Variants in RIPOR2 observed in about 807,000 individuals in gnomAD.
RIPOR2 encodes the protein rho family-interacting cell polarization regulator 2.
A neutral mutation model predicts 114.5 loss-of-function variants in RIPOR2; 39 were observed. The ratio of observed to expected loss-of-function variants is 0.34; its 90% confidence interval spans 0.26 to 0.44. RIPOR2 has a LOEUF of 0.44. RIPOR2 is among the 20% of genes least tolerant of loss of function. RIPOR2 has a pLI of 1.00. For synonymous variants in RIPOR2, 445 were observed against 484.4 expected, an observed-to-expected ratio of 0.92 and a Z score of 1.07; for missense variants, 1,007 against 1,255.1, an observed-to-expected ratio of 0.80 and a Z score of 2.99.
intron 1 of RIPOR2, among the ~76,000 whole-genome samples, chr6:24,950,927 G>A (rs1229753681): frequency 6.6e-6 from 1 of 152,170 alleles, no homozygotes; most frequent in African/African-American, 2.4e-5. Context: ...CAGGATCTAG[G>A]TCTTGTGTGT....
chr6:24,835,863 G>A lies in RIPOR2; in HGVS notation c.2048C>T (p.Ser683Leu), dbSNP rs1334013343. Residue 683 changes from serine to leucine, a missense_variant, in exon 15 of 22, where the codon TCG becomes TTG. Transcript: ENST00000643898. Reference sequence around the variant, plus strand: ...ATGCCCCCTGGCTTCTGGGTGAACCGACCTGTAACTATTGAAGGTGGGCAA... The same window carrying A: ...ATGCCCCCTGGCTTCTGGGTGAACCAACCTGTAACTATTGAAGGTGGGCAA... ...DTETEKHSYR[S>L]VHPEARGHLS... is the part of the protein sequence containing the mutation. 7 of 1,551,270 alleles carry A rather than the reference G, an allele frequency of 4.5e-6. No homozygotes were observed. The highest frequency in any genetic ancestry group is 6.1e-6 in the Non-Finnish European group (7 of 1,146,928).
At chr6:24,920,794 C>T (rs1183928259) in intron 1 of RIPOR2, among the ~76,000 whole-genome samples, 1 of 152,160 alleles carries the variant, frequency 6.6e-6, no homozygotes, top group East Asian at 1.9e-4. Context: ...GTCTACTCCT[C>T]CAGCAGCAGT....
chr6:24,874,757 A>T (rs1765553743), intron 2 of RIPOR2, among the ~76,000 whole-genome samples: 3 of 152,372 alleles, frequency 2.0e-5, no homozygotes, highest in South Asian at 4.1e-4. Flanking sequence ...GGATGTGAAT[A>T]AATTCTTTTC....
Position 24,849,835 on chromosome 6 carries a change from C to T in RIPOR2, c.1001G>A (p.Gly334Asp), listed in dbSNP as rs756496253. 6.2e-7 allele frequency: 1 copy of T among 1,613,762 alleles called. No individual in the cohort carries two copies. Among genetic ancestry groups the T allele is most frequent in the Non-Finnish European group, 8.5e-7 (1 of 1,179,844 alleles). Reference protein sequence around the residue: ...QVVAVDINDLGTIKLNLEITW... With the variant: ...QVVAVDINDLDTIKLNLEITW... ...GATTTCCAGGTTCAGTTTGATGGTA[C>T]CAAGGTCATTGATGTCGACAGCCAC... The change falls in exon 11 of 22, where the codon GGT becomes GAT. Residue 334 changes from glycine (G) to aspartate (D), a missense_variant. Coordinates refer to ENST00000643898, the MANE Select transcript of RIPOR2 (RefSeq NM_001286445.3).
upstream of RIPOR2, chr6:25,042,132 C>T (rs868653515): frequency 2.1e-6 from 1 of 487,502 alleles, no homozygotes. Flanking sequence ...CTTTCCTTCC[C>T]TTAACTTCCG....
At chr6:24,841,734 C>T in intron 13 of RIPOR2, among the ~76,000 whole-genome samples, 1 of 151,900 alleles carries the variant, frequency 6.6e-6, no homozygotes, top group Non-Finnish European at 1.5e-5. Flanking sequence ...TCTTCCACCT[C>T]AGCCTCCCTA....
In RIPOR2 at chr6:24,890,612, T is replaced by G. The variant is rs748105169; in HGVS notation, c.62-14795A>C. Among the ~76,000 whole-genome samples the G allele has an allele frequency of 5.9e-5, 9 of 152,212 alleles. No homozygotes were observed. The Middle Eastern group carries it at 0.014, about 230-fold the overall frequency. ...ACTTCACCACTATGCAAACTATGCATGTAACAAAATTACACTTGGACCTTT... is the reference window on the plus strand; with the variant it reads ...ACTTCACCACTATGCAAACTATGCAGGTAACAAAATTACACTTGGACCTTT... On this transcript the variant is annotated intron_variant, in intron 1 of 21. Coordinates refer to ENST00000643898, the MANE Select transcript of RIPOR2 (RefSeq NM_001286445.3).
At chr6:24,961,163 G>A (rs1028477) in intron 1 of RIPOR2, among the ~76,000 whole-genome samples, 46,945 of 152,034 alleles carry the variant, frequency 0.31, 7,886 homozygotes, top group Non-Finnish European at 0.38. Flanking sequence ...GACAAGTTAT[G>A]ATACAAGACA....
rs545954714 is a variant in RIPOR2, at chr6:24,835,709, G to A, written c.2202C>T (p.Leu734=). The A allele has an allele frequency of 3.2e-5, 50 of 1,551,480 alleles. No homozygotes were observed. The highest frequency in any genetic ancestry group is 3.9e-5 in the Admixed American group (2 of 50,986). ...AATTCATCGCTGATCCTACCTGCAC[G>A]AGTTGGGTGCAGTACTGGAGGTGCC... ...IVRHLQYCTQ[L]VQQIVFSSKT... The change falls in exon 15 of 22, where the codon CTC becomes CTT. Residue 734 remains leucine, a synonymous_variant. Transcript: ENST00000643898.
intron 1 of RIPOR2, among the ~76,000 whole-genome samples, chr6:25,022,992 AGTC>A (rs1186397095): frequency 1.4e-5 from 2 of 140,682 alleles, no homozygotes; most frequent in Non-Finnish European, 3.1e-5. Context: ...TTTTCAGAGC[AGTC>A]AATTTTTTTT....
Position 24,955,308 on chromosome 6 carries a change from C to T in RIPOR2, c.77-79491G>A, listed in dbSNP as rs12525403. 8.6e-3 allele frequency among the ~76,000 whole-genome samples: 1,311 copies of T among 152,236 alleles called. 42 individuals carry two copies. Among genetic ancestry groups the T allele is most frequent in the East Asian group, 0.039 (200 of 5,186 alleles). ...TTGGCTTAGAACCTTCCAGATCTTCCGCTATGCGTGGCATATTTTCTTTGT... is the reference window on the plus strand; with the variant it reads ...TTGGCTTAGAACCTTCCAGATCTTCTGCTATGCGTGGCATATTTTCTTTGT... On this transcript the variant is annotated intron_variant, in intron 1 of 13. Coordinates refer to the RIPOR2 transcript ENST00000510784.
intron 19 of RIPOR2, among the ~76,000 whole-genome samples, chr6:24,823,906 G>C (rs996083582): frequency 6.6e-6 from 1 of 152,074 alleles, no homozygotes; most frequent in African/African-American, 2.4e-5. Context: ...ACAAGCATGT[G>C]CCACTAGGCC....
At position 24,818,592 on chromosome 6, in the gene RIPOR2, T is replaced by C. The variant is rs1306286723; in HGVS notation, c.2902A>G (p.Thr968Ala). 1 of 1,550,842 alleles carries C rather than the reference T, an allele frequency of 6.4e-7. No homozygotes were observed. Among genetic ancestry groups the C allele is most frequent in the Admixed American group, 2.0e-5 (1 of 50,978 alleles). The change falls in exon 20 of 22, where the codon ACA becomes GCA. Residue 968 changes from threonine (T) to alanine (A), a missense_variant. Thr to Ala is a moderately conservative substitution (Grantham distance 58). Coordinates refer to ENST00000643898, the MANE Select transcript of RIPOR2 (RefSeq NM_001286445.3). ...LLYYCEALTKTNLQLQKAACL... is the reference protein window; with the variant it reads ...LLYYCEALTKANLQLQKAACL... ...GCTGCTTTCTGGAGCTGGAGGTTTG[T>C]CTTTGTTAGTGCTTCACAGTAATAG...
At chr6:24,981,629 C>T (rs1774300181) in intron 1 of RIPOR2, among the ~76,000 whole-genome samples, 1 of 152,148 alleles carries the variant, frequency 6.6e-6, no homozygotes, top group Non-Finnish European at 1.5e-5. Flanking sequence ...TTGAGTCACC[C>T]GCACTCTGGT....
intron 1 of RIPOR2, among the ~76,000 whole-genome samples, chr6:24,943,341 T>C (rs1772238315): frequency 6.6e-6 from 1 of 151,902 alleles, no homozygotes; most frequent in Non-Finnish European, 1.5e-5. Flanking sequence ...GGGCCTGTTG[T>C]GGGGTAGGGG....
intron 19 of RIPOR2, among the ~76,000 whole-genome samples, chr6:24,819,446 T>C (rs779559398): frequency 4.6e-5 from 7 of 152,082 alleles, no homozygotes; most frequent in Non-Finnish European, 1.0e-4. Context: ...TAATGTCAGT[T>C]TGAGATTTGC....
intron 21 of RIPOR2, among the ~76,000 whole-genome samples, chr6:24,808,673 T>C (rs1187367170): frequency 2.0e-5 from 3 of 152,098 alleles, no homozygotes; most frequent in African/African-American, 4.8e-5. Flanking sequence ...GATTGGATTA[T>C]GTCTGAGGAT....
intron 1 of RIPOR2, among the ~76,000 whole-genome samples, chr6:24,987,393 A>G (rs6933276): frequency 0.06 from 9,210 of 152,248 alleles, 898 homozygotes; most frequent in African/African-American, 0.2. Context: ...AGGTTTAATG[A>G]CATATGACTG....
intron 1 of RIPOR2, among the ~76,000 whole-genome samples, chr6:25,034,479 C>T (rs1777145563): frequency 6.6e-6 from 1 of 152,146 alleles, no homozygotes; most frequent in Non-Finnish European, 1.5e-5. Flanking sequence ...TCCCTAAGAT[C>T]CTCCTTACCC....
Sources: gnomAD v4.1 joint callset for allele counts (sites outside exome capture counted in the v4.1 genomes callset) on GRCh38, gnomAD v4.1.1 for gene constraint, MANE v1.5 for transcripts, NCBI Gene and HGNC (gene_info 2026-07-23, HGNC 2026-07-21) for gene names.